The following PLD3 variants were observed in gnomAD, a reference collection of about 807,000 sequenced individuals.
PLD3 encodes the protein 5'-3' exonuclease PLD3.
PLD3 carries 31 observed loss-of-function variants against 58.4 expected under a neutral mutation model. The observed-to-expected ratio is 0.53, with a 90% CI of 0.40 to 0.72. The LOEUF (loss-of-function observed/expected upper bound fraction) is 0.72, where lower values mean the gene tolerates loss of function less well. Among genes scored for constraint, PLD3 ranks in the 30% least tolerant of loss-of-function variants. PLD3 has a pLI of 0.00. For missense variants in PLD3, 595 were observed against 659.8 expected, an observed-to-expected ratio of 0.90 and a Z score of 1.08; for synonymous variants, 264 against 273.4, an observed-to-expected ratio of 0.97 and a Z score of 0.34.
At chr19:40,370,303 G>A (rs1015288018) in intron 8 of PLD3, 66 bp downstream of exon 8, 21 of 1,527,282 alleles carry the variant, frequency 1.4e-5, no homozygotes, top group South Asian at 2.4e-5. Context: ...CCCAGCCTCC[G>A]ACTGCATCCC....
At chr19:40,371,106 G>T (rs998594107) in intron 8 of PLD3, among the ~76,000 whole-genome samples, 2 of 152,222 alleles carry the variant, frequency 1.3e-5, no homozygotes, top group Admixed American at 6.5e-5. Flanking sequence ...AGGAATTAGC[G>T]CAAGATGGAA....
In PLD3 at chr19:40,378,331, G is replaced by A. The variant is rs530183297; in HGVS notation, c.*158G>A. 6.2e-5 allele frequency: 47 copies of A among 753,514 alleles called. No individual in the cohort carries two copies. The African/African-American group carries it at 7.5e-4, about 12-fold the overall frequency. 46.7% of individuals were successfully genotyped at this position (753,514 alleles called of 1,614,324 possible). Reference sequence around the variant, plus strand: ...CCCACCTCTACCTCCACCCCCACCGGCCTGACGCTGTGGCCCCGGGACCCA... The same window carrying A: ...CCCACCTCTACCTCCACCCCCACCGACCTGACGCTGTGGCCCCGGGACCCA... On this transcript the variant is annotated 3_prime_UTR_variant, in exon 13 of 13. Transcript: ENST00000409735.
rs1417648035 is a variant in PLD3, at chr19:40,366,714, C to G, written c.102+30C>G. The G allele has an allele frequency of 1.9e-6, 3 of 1,613,914 alleles. No homozygotes were observed. In the African/African-American group the frequency reaches 4.0e-5, roughly 22 times the overall value. On this transcript the variant is annotated intron_variant, in intron 4 of 12. Transcript: ENST00000409735. Reference sequence around the variant, plus strand: ...GAGCCCTCCGCCACCCTCGCTCTGTCTCAGAGACAGGCTGGGCTGCCCCCC... The same window carrying G: ...GAGCCCTCCGCCACCCTCGCTCTGTGTCAGAGACAGGCTGGGCTGCCCCCC...
Position 40,376,665 on chromosome 19 carries a change from A to G in PLD3, c.1076A>G (p.Lys359Arg), listed in dbSNP as rs1328914423. Residue 359 changes from lysine to arginine, a missense_variant, in exon 11 of 13, where the codon AAG becomes AGG. Transcript: ENST00000409735. ...CGGGCCACCTACGAGCGTGGCGTCA[A>G]GGTGCGCCTGCTCATCAGCTGCTGG... ...LRRATYERGV[K>R]VRLLISCWGH... The G allele has an allele frequency of 3.1e-6, 5 of 1,607,096 alleles. No individual in the cohort carries two copies. The East Asian group carries it at 8.9e-5, about 29-fold the overall frequency.
intron 5 of PLD3, 71 bp downstream of exon 5, chr19:40,366,986 C>G (rs540371105): frequency 4.7e-6 from 7 of 1,499,570 alleles, no homozygotes; most frequent in Non-Finnish European, 6.3e-6. Flanking sequence ...ACACACTAAA[C>G]AGGGCCTGCA....
chr19:40,375,522 C>T (rs1349912048), intron 10 of PLD3, among the ~76,000 whole-genome samples: 3 of 149,390 alleles, frequency 2.0e-5, no homozygotes, highest in African/African-American at 7.4e-5. Flanking sequence ...TGGTGGCAGG[C>T]GCCTGTAGTC....
intron 1 of PLD3, among the ~76,000 whole-genome samples, chr19:40,360,955 A>G (rs1286571715): frequency 6.6e-6 from 1 of 152,174 alleles, no homozygotes; most frequent in Non-Finnish European, 1.5e-5. Context: ...CGTGGGACAC[A>G]TCTTTTTTGA....
At chr19:40,370,054 G>C in intron 7 of PLD3, 26 bp downstream of exon 7, 1 of 1,573,064 alleles carries the variant, frequency 6.4e-7, no homozygotes, top group East Asian at 2.4e-5. Flanking sequence ...ACTGGGGCTG[G>C]TCTGGGCCTG....
chr19:40,352,427 G>T (rs141515194), intron 1 of PLD3, among the ~76,000 whole-genome samples: 348 of 152,272 alleles, frequency 2.3e-3, no homozygotes, highest in African/African-American at 7.5e-3. Flanking sequence ...AACAGGAGAG[G>T]CAGCTGTCAT....
At chr19:40,354,732 G>T (rs953713779) in intron 1 of PLD3, among the ~76,000 whole-genome samples, 1 of 151,336 alleles carries the variant, frequency 6.6e-6, no homozygotes, top group African/African-American at 2.4e-5. Context: ...CGCCATGTAG[G>T]CCAGGCTGGT....
Position 40,351,241 on chromosome 19 carries a change from A to C in PLD3, c.-279+2473A>C, listed in dbSNP as rs530343360. Reference sequence around the variant, plus strand: ...CGGAGACCCTGTCTCAAAACAAAAAAACAAAACAAAACAAAAAAACGGCCA... The same window carrying C: ...CGGAGACCCTGTCTCAAAACAAAAACACAAAACAAAACAAAAAAACGGCCA... On this transcript the variant is annotated intron_variant, in intron 1 of 12. Coordinates refer to ENST00000409735, the MANE Select transcript of PLD3 (RefSeq NM_012268.4). 4.3e-4 allele frequency among the ~76,000 whole-genome samples: 55 copies of C among 129,110 alleles called. No individual in the cohort carries two copies. In the East Asian group the frequency reaches 0.012, roughly 29 times the overall value. The allele number at this position is 129,110 out of a possible 152,430, so 84.7% of individuals were successfully genotyped here.
intron 6 of PLD3, among the ~76,000 whole-genome samples, chr19:40,368,228 A>G (rs11670295): frequency 0.35 from 52,733 of 152,072 alleles, 11,111 homozygotes; most frequent in South Asian, 0.52. Context: ...GCCACCTCCC[A>G]GCTGTGTGAC....
At chr19:40,352,510 TA>T (rs1305974373) in intron 1 of PLD3, among the ~76,000 whole-genome samples, 1 of 152,058 alleles carries the variant, frequency 6.6e-6, no homozygotes, top group Non-Finnish European at 1.5e-5. Context: ...TCTTTTTTTT[TA>T]ACCAAAGTCC....
At position 40,376,708 on chromosome 19, in the gene PLD3, C is replaced by T. The variant is rs1264426664; in HGVS notation, c.1119C>T (p.Ser373=). The change falls in exon 11 of 13, where the codon TCC becomes TCT. Residue 373 remains serine (S), a synonymous_variant. Transcript: ENST00000409735. The part of the protein sequence containing the change: ...LISCWGHSEP[S]MRAFLLSLAA... The stretch of plus-strand genomic sequence containing the variant: ...GCTGCTGGGGACACTCGGAGCCATC[C>T]ATGCGGGCCTTCCTGCTCTCTCTGG... 1.2e-6 allele frequency: 2 copies of T among 1,603,574 alleles called. No individual in the cohort carries two copies. The highest frequency in any genetic ancestry group is 1.3e-5 in the African/African-American group (1 of 74,942).
At chr19:40,374,687 G>A in intron 10 of PLD3, 67 bp downstream of exon 10, 1 of 1,581,118 alleles carries the variant, frequency 6.3e-7, no homozygotes, top group South Asian at 1.1e-5. Flanking sequence ...GAATCATGGA[G>A]ACCAGAAAGC....
chr19:40,373,558 CAG>C (rs1435128229), intron 9 of PLD3, among the ~76,000 whole-genome samples: 1 of 132,412 alleles, frequency 7.6e-6, no homozygotes, highest in African/African-American at 3.0e-5. Context: ...GGCTGGGTGA[CAG>C]AGTGAGACTC....
chr19:40,349,894 G>T (rs372643107), intron 1 of PLD3, among the ~76,000 whole-genome samples: 3 of 151,314 alleles, frequency 2.0e-5, no homozygotes, highest in Non-Finnish European at 4.4e-5. Context: ...GGAGGTGGAG[G>T]TTGCAGTGAG....
At chr19:40,377,954 G>A in intron 12 of PLD3, 32 bp from the exon 13 acceptor site, 1 of 1,612,730 alleles carries the variant, frequency 6.2e-7, no homozygotes, top group Non-Finnish European at 8.5e-7. Context: ...GCCCCCCGAG[G>A]GTGCCCTTAT....
At chr19:40,376,941 A>G (rs1330724404) in intron 11 of PLD3, among the ~76,000 whole-genome samples, 167 bp downstream of exon 11, 1 of 150,368 alleles carries the variant, frequency 6.7e-6, no homozygotes, top group African/African-American at 2.5e-5. Flanking sequence ...GAGAGGGGCC[A>G]GGACCGGGAT....
Sources: gnomAD v4.1 joint callset for allele counts (sites outside exome capture counted in the v4.1 genomes callset) on GRCh38, gnomAD v4.1.1 for gene constraint, MANE v1.5 for transcripts, NCBI Gene and HGNC (gene_info 2026-07-23, HGNC 2026-07-21) for gene names.